The following LRRIQ3 variants were observed in gnomAD, a reference collection of about 807,000 sequenced individuals.
LRRIQ3 encodes the protein leucine rich repeats and IQ motif containing 3.
In LRRIQ3, 75 loss-of-function variants were observed where a neutral mutation model predicts 59.3. The ratio of observed to expected loss-of-function variants is 1.26; its 90% CI spans 1.05 to 1.53. The LOEUF is 1.53. Ranked by LOEUF, LRRIQ3 falls within the 40% of genes most tolerant of loss-of-function variation. The pLI is 0.00. For missense variants in LRRIQ3, 831 were observed against 710.0 expected, an observed-to-expected ratio of 1.17 and a Z score of -1.94; for synonymous variants, 250 against 231.3, an observed-to-expected ratio of 1.08 and a Z score of -0.73.
intron 5 of LRRIQ3, among the ~76,000 whole-genome samples, chr1:74,085,214 T>A (rs905938684): frequency 4.6e-5 from 7 of 151,432 alleles, no homozygotes; most frequent in South Asian, 2.1e-4. Context: ...CAAAACAATA[T>A]AAATAGAATT....
chr1:74,160,553 C>T (rs920636687), intron 3 of LRRIQ3, among the ~76,000 whole-genome samples: 5 of 151,918 alleles, frequency 3.3e-5, no homozygotes, highest in African/African-American at 4.8e-5. Context: ...TTTTCTCTAC[C>T]GTAATTCCAT....
chr1:74,092,799 C>T (rs1478853473), intron 5 of LRRIQ3, among the ~76,000 whole-genome samples: 1 of 151,994 alleles, frequency 6.6e-6, no homozygotes, highest in African/African-American at 2.4e-5. Flanking sequence ...ACCAACATCT[C>T]GTTCCTCAAA....
intron 5 of LRRIQ3, among the ~76,000 whole-genome samples, chr1:74,088,747 G>T (rs978657611): frequency 6.6e-6 from 1 of 151,742 alleles, no homozygotes; most frequent in Non-Finnish European, 1.5e-5. Flanking sequence ...AATCTTTGAG[G>T]CCTCAAGTGA....
chr1:74,162,715 AC>A, intron 3 of LRRIQ3, among the ~76,000 whole-genome samples: 1 of 151,758 alleles, frequency 6.6e-6, no homozygotes, highest in South Asian at 2.1e-4. Flanking sequence ...CCCTACTTCC[AC>A]GTTTTTAGTT....
chr1:74,089,459 T>C (rs1367581996), intron 5 of LRRIQ3, among the ~76,000 whole-genome samples: 2 of 152,116 alleles, frequency 1.3e-5, no homozygotes, highest in Non-Finnish European at 2.9e-5. Context: ...GGAATATTAT[T>C]GAGCCATAAA....
intron 5 of LRRIQ3, among the ~76,000 whole-genome samples, chr1:74,091,579 C>T (rs1330037496): frequency 1.3e-5 from 2 of 151,662 alleles, no homozygotes; most frequent in Non-Finnish European, 2.9e-5. Flanking sequence ...TTTCAGAAAG[C>T]ATCAAAGAGA....
At chr1:74,044,918 T>C (rs1480444504) in intron 6 of LRRIQ3, among the ~76,000 whole-genome samples, 3 of 152,148 alleles carry the variant, frequency 2.0e-5, no homozygotes, top group African/African-American at 7.2e-5. Context: ...CATGAAGAAT[T>C]TGAATCCCTG....
rs866036976 is a variant in LRRIQ3 at position 74,108,804 on chromosome 1, T to C, written c.867+590A>G. The C allele has an allele frequency of 1.8e-4, 53 of 298,544 alleles. No homozygotes were observed. In the Middle Eastern group the frequency reaches 6.0e-3, roughly 34 times the overall value. 18.5% of individuals were successfully genotyped at this position (298,544 alleles called of 1,614,324 possible). ...AAGACCTGGAGTCCGATCCTACCTATTAATTATGTAGCTTTTGGTAAGTTA... is the reference window on the plus strand; with the variant it reads ...AAGACCTGGAGTCCGATCCTACCTACTAATTATGTAGCTTTTGGTAAGTTA... On this transcript the variant is annotated intron_variant, in intron 5 of 7. Coordinates refer to ENST00000354431, the MANE Select transcript of LRRIQ3 (RefSeq NM_001105659.2).
chr1:74,064,872 G>A (rs1300447647), intron 6 of LRRIQ3, among the ~76,000 whole-genome samples: 2 of 151,652 alleles, frequency 1.3e-5, no homozygotes, highest in Non-Finnish European at 2.9e-5. Flanking sequence ...TTAATATTTT[G>A]TTCTTAATAT....
At chr1:74,122,960 A>G (rs775276604) in intron 4 of LRRIQ3, among the ~76,000 whole-genome samples, 1 of 152,138 alleles carries the variant, frequency 6.6e-6, no homozygotes, top group Non-Finnish European at 1.5e-5. Flanking sequence ...CAGAATCTAC[A>G]ATGAACTTCT....
At chr1:74,186,702 T>C (rs1342466881) in intron 1 of LRRIQ3, among the ~76,000 whole-genome samples, 3 of 152,140 alleles carry the variant, frequency 2.0e-5, no homozygotes, top group Admixed American at 2.0e-4. Flanking sequence ...AAATCCAAAT[T>C]TGGGATAATG....
intron 3 of LRRIQ3, among the ~76,000 whole-genome samples, chr1:74,176,265 C>T (rs1405890689): frequency 6.6e-6 from 1 of 152,018 alleles, no homozygotes; most frequent in Non-Finnish European, 1.5e-5. Flanking sequence ...TATTTTCTTT[C>T]TGAGCTTGAA....
At chr1:74,085,813 C>T (rs1308621111) in intron 5 of LRRIQ3, among the ~76,000 whole-genome samples, 2 of 151,924 alleles carry the variant, frequency 1.3e-5, no homozygotes, top group African/African-American at 4.8e-5. Context: ...TATGTCAGAC[C>T]TATCTGTGAA....
intron 4 of LRRIQ3, among the ~76,000 whole-genome samples, chr1:74,119,720 C>T (rs906786784): frequency 6.6e-6 from 1 of 152,198 alleles, no homozygotes; most frequent in South Asian, 2.1e-4. Flanking sequence ...ATACTCCTAT[C>T]CTACTTTGAG....
intron 4 of LRRIQ3, among the ~76,000 whole-genome samples, chr1:74,146,724 G>C (rs1647593542): frequency 6.6e-6 from 1 of 152,178 alleles, no homozygotes; most frequent in Admixed American, 6.5e-5. Context: ...CCTCAGGCAA[G>C]TTATTTGGGA....
chr1:74,154,240 C>CAAACAAAAAAAA (rs1648176929), intron 4 of LRRIQ3, among the ~76,000 whole-genome samples: 39 of 57,278 alleles, frequency 6.8e-4, no homozygotes, highest in African/African-American at 2.8e-3. Context: ...GACTCCTTCT[C>CAAACAAAAAAAA]AAAAAAAAAA....
rs1417609402 is a variant in LRRIQ3 at position 74,150,175 on chromosome 1, T to C, written c.707+5558A>G. On this transcript the variant is annotated intron_variant, in intron 4 of 7. Coordinates refer to ENST00000354431, the MANE Select transcript of LRRIQ3 (RefSeq NM_001105659.2). ...CTCTGGCAGCCATTTTGACCATAAA[T>C]GACCTTGAAGATAAAACACACAAAT... 5.3e-5 allele frequency among the ~76,000 whole-genome samples: 8 copies of C among 152,268 alleles called. 1 individual carries two copies. In the South Asian group the frequency reaches 6.2e-4, roughly 12 times the overall value.
intron 5 of LRRIQ3, among the ~76,000 whole-genome samples, chr1:74,106,997 A>G (rs1468274672): frequency 6.6e-6 from 1 of 151,392 alleles, no homozygotes; most frequent in Non-Finnish European, 1.5e-5. Flanking sequence ...TGTCAAATTC[A>G]CTCCTCACGG....
At chr1:74,180,490 T>TA in intron 3 of LRRIQ3, 1 of 443,280 alleles carries the variant, frequency 2.3e-6, no homozygotes, top group Non-Finnish European at 4.0e-6. Flanking sequence ...CTCAAAGAAG[T>TA]ATGACCAAAC....
Sources: allele counts gnomAD v4.1 joint callset (sites outside exome capture counted in the v4.1 genomes callset), GRCh38; gene constraint gnomAD v4.1.1; transcripts MANE v1.5; gene names NCBI Gene and HGNC (gene_info 2026-07-23, HGNC 2026-07-21).